The following SH3YL1 variants were observed in gnomAD, a reference collection of about 807,000 sequenced individuals.
SH3YL1 encodes the protein SH3 domain-containing YSC84-like protein 1.
SH3YL1 carries 41 observed loss-of-function variants against 45.8 expected under a neutral mutation model. The observed-to-expected ratio is 0.89, with a 90% CI of 0.70 to 1.16. SH3YL1 has a LOEUF of 1.16. Ranked by LOEUF, SH3YL1 falls within the 50% of genes most tolerant of loss-of-function variation. The pLI, the probability that SH3YL1 is intolerant of heterozygous loss-of-function variation, is 0.00. For synonymous variants in SH3YL1, 152 were observed against 151.4 expected (o/e 1.00, Z -0.03); for missense variants, 389 against 409.6 (o/e 0.95, Z 0.43).
chr2:225,656 T>G (rs375280343), intron 8 of SH3YL1, among the ~76,000 whole-genome samples: 81 of 152,376 alleles, frequency 5.3e-4, no homozygotes, highest in African/African-American at 1.9e-3. Context: ...TGAGAATCTA[T>G]TTTTAAAAAC....
At chr2:238,259 TTGTGTGTGTGTGTGTGTGTGTGTGTG>T (rs3842546) in intron 4 of SH3YL1, among the ~76,000 whole-genome samples, 7 of 141,952 alleles carry the variant, frequency 4.9e-5, no homozygotes, top group East Asian at 4.1e-4. Flanking sequence ...TCCTCCCTCC[TTGTGTGTGTGTGTGTGTGTGTGTGTG>T]TGTGTGTGTG....
chr2:252,919 T>TAA, intron 2 of SH3YL1, 86 bp downstream of exon 2: 1 of 767,020 alleles, frequency 1.3e-6, no homozygotes, highest in South Asian at 1.9e-5. Flanking sequence ...TGGAGGCTTC[T>TAA]GCCTGAAATG....
intron 4 of SH3YL1, among the ~76,000 whole-genome samples, chr2:234,909 C>T (rs1261252442): frequency 6.6e-6 from 1 of 152,136 alleles, no homozygotes. Context: ...AAGAGTTTCA[C>T]TCTTGTTGCC....
At chr2:248,198 C>T (rs118177903) in intron 3 of SH3YL1, among the ~76,000 whole-genome samples, 1 of 152,260 alleles carries the variant, frequency 6.6e-6, no homozygotes, top group East Asian at 1.9e-4. Flanking sequence ...TGATACGGCA[C>T]ATTTTAGGAT....
intron 2 of SH3YL1, among the ~76,000 whole-genome samples, chr2:251,716 C>T (rs1669080542): frequency 6.6e-6 from 1 of 152,176 alleles, no homozygotes; most frequent in Admixed American, 6.5e-5. Context: ...TGCCAAGCTG[C>T]AGATTCAGAC....
Position 218,908 on chromosome 2 carries a change from G to A in SH3YL1, c.932C>T (p.Thr311Ile). The A allele has an allele frequency of 6.2e-7, 1 of 1,614,058 alleles. No individual in the cohort carries two copies. The highest frequency in any genetic ancestry group is 8.5e-7 in the Non-Finnish European group (1 of 1,179,972). The change falls in exon 10 of 10, where the codon ACA becomes ATA. Residue 311 changes from threonine (T) to isoleucine (I), a missense_variant. Physicochemically the swap from Thr to Ile is moderately conservative, Grantham distance 89 (BLOSUM62 -1). Coordinates refer to ENST00000356150, the MANE Select transcript of SH3YL1 (RefSeq NM_015677.4). ...ATGTGAATCTGTTTTTGATATAACT[G>A]TGATTCTGTCTCCAGCTTGAAAATT... ...DLNFQAGDRI[T>I]VISKTDSHFD...
At chr2:242,662 T>C in intron 4 of SH3YL1, 1 of 1,160,436 alleles carries the variant, frequency 8.6e-7, no homozygotes, top group Non-Finnish European at 1.1e-6. Context: ...ATATCAATAA[T>C]CTATTAAATG....
At chr2:245,506 C>A (rs1668758068) in intron 4 of SH3YL1, among the ~76,000 whole-genome samples, 1 of 152,126 alleles carries the variant, frequency 6.6e-6, no homozygotes. Flanking sequence ...CATATTTAAT[C>A]ATCAATATAA....
chr2:240,670 T>C (rs1668503792), intron 4 of SH3YL1: 1 of 152,192 alleles, frequency 6.6e-6, no homozygotes, highest in African/African-American at 2.4e-5. Flanking sequence ...CAGGGCATTG[T>C]TGGAAACAAT....
At chr2:245,285 C>G (rs1668746280) in intron 4 of SH3YL1, among the ~76,000 whole-genome samples, 1 of 152,132 alleles carries the variant, frequency 6.6e-6, no homozygotes, top group African/African-American at 2.4e-5. Context: ...CTAGGAGATG[C>G]TTCTTATCTC....
intron 1 of SH3YL1, among the ~76,000 whole-genome samples, chr2:258,869 A>G (rs1435101060): frequency 1.3e-5 from 2 of 152,224 alleles, no homozygotes; most frequent in African/African-American, 2.4e-5. Context: ...CTACACAGCT[A>G]GCACTTAATA....
rs1668030288 is a variant in SH3YL1 at position 231,262 on chromosome 2, G to A, written c.534-71C>T. 1.1e-5 allele frequency: 13 copies of A among 1,156,266 alleles called. No homozygotes were observed. In the South Asian group the frequency reaches 1.8e-4, roughly 16 times the overall value. The allele number at this position is 1,156,266 out of a possible 1,614,324, so 71.6% of individuals were successfully genotyped here. ...TTTTCTAGAGTTAAACATAGCATGT[G>A]CGCACACACGGTGTGTATATATAAT... On this transcript the variant is annotated intron_variant, in intron 6 of 9. Coordinates refer to ENST00000356150, the MANE Select transcript of SH3YL1 (RefSeq NM_015677.4).
chr2:233,059 C>A, intron 6 of SH3YL1, 42 bp downstream of exon 6: 1 of 1,496,748 alleles, frequency 6.7e-7, no homozygotes. Flanking sequence ...GTACTATTTT[C>A]TCATCACACT....
chr2:246,592 GGAAAGGGGAA>G (rs535777430), intron 4 of SH3YL1, among the ~76,000 whole-genome samples: 129 of 151,074 alleles, frequency 8.5e-4, no homozygotes, highest in African/African-American at 2.9e-3. Flanking sequence ...GTGGAGGTGG[GGAAAGGGGAA>G]GAGAGGGGAG....
intron 8 of SH3YL1, among the ~76,000 whole-genome samples, chr2:227,579 T>C (rs1444688863): frequency 6.6e-6 from 1 of 151,990 alleles, no homozygotes; most frequent in Non-Finnish European, 1.5e-5. Context: ...AATAAATAAA[T>C]AAATATAAAG....
chr2:264,038 C>G, upstream of SH3YL1: 1 of 1,374,664 alleles, frequency 7.3e-7, no homozygotes, highest in Non-Finnish European at 9.5e-7. Flanking sequence ...AAGAGGAAGG[C>G]GCGCTGCCCC....
intron 3 of SH3YL1, among the ~76,000 whole-genome samples, chr2:249,521 A>C (rs1337267360): frequency 6.6e-6 from 1 of 152,206 alleles, no homozygotes; most frequent in Non-Finnish European, 1.5e-5. Flanking sequence ...TGTCTTCTCT[A>C]ATATTTTGAG....
chr2:233,691 T>C (rs1405532924), intron 5 of SH3YL1, among the ~76,000 whole-genome samples: 1 of 152,224 alleles, frequency 6.6e-6, no homozygotes, highest in African/African-American at 2.4e-5. Flanking sequence ...AAAATATCTC[T>C]ACATTGCACA....
rs778119242 is a variant in SH3YL1, at chr2:249,766, C to A, written c.191G>T (p.Gly64Val). The A allele has an allele frequency of 5.8e-6, 9 of 1,551,762 alleles. No individual in the cohort carries two copies. The highest frequency in any genetic ancestry group is 2.6e-6 in the Non-Finnish European group (3 of 1,147,026). Reference protein sequence around the residue: ...KAGFLVTARGGSGIVVARLPD... With the variant: ...KAGFLVTARGVSGIVVARLPD... ...AAGGCGCGCCACTACAATCCCGCTG[C>A]CTCCTCTGGCAGTCACCAGGAACCC... The change falls in exon 3 of 10, where the codon GGC (glycine) becomes GTC (valine). Residue 64 changes from glycine (G) to valine (V), a missense_variant. Transcript: ENST00000356150.
Sources: gnomAD v4.1 joint callset for allele counts (sites outside exome capture counted in the v4.1 genomes callset) on GRCh38, gnomAD v4.1.1 for gene constraint, MANE v1.5 for transcripts, NCBI Gene and HGNC (gene_info 2026-07-23, HGNC 2026-07-21) for gene names.